The following XIRP2 variants were observed in gnomAD, a reference collection of about 807,000 sequenced individuals.
XIRP2 encodes xin actin-binding repeat-containing protein 2.
XIRP2 carries 236 observed loss-of-function variants against 277.0 expected under a neutral mutation model. The observed-to-expected ratio is 0.85, with a 90% CI of 0.77 to 0.95. The LOEUF (loss-of-function observed/expected upper bound fraction) is 0.95. Ranked by LOEUF, XIRP2 falls within the 40% of genes least tolerant of loss-of-function variation. The pLI is 0.00. For synonymous variants in XIRP2, 1,490 were observed against 1,416.5 expected, an observed-to-expected ratio of 1.05 and a Z score of -1.17; for missense variants, 4,640 against 4,157.5, an observed-to-expected ratio of 1.12 and a Z score of -3.19.
At chr2:167,171,869 A>G (rs1328336614) in intron 3 of XIRP2, among the ~76,000 whole-genome samples, 2 of 152,222 alleles carry the variant, frequency 1.3e-5, no homozygotes, top group African/African-American at 2.4e-5. Context: ...ATATAGCCAC[A>G]TTAGTTTTCC....
At chr2:167,038,381 T>C (rs145069054) in intron 2 of XIRP2, among the ~76,000 whole-genome samples, 2,275 of 151,966 alleles carry the variant, frequency 0.015, 29 homozygotes, top group Non-Finnish European at 0.021. Context: ...ACAAAATTTT[T>C]AGTATATGCT....
At chr2:167,007,626 TAAAC>T (rs923279743) in intron 2 of XIRP2, among the ~76,000 whole-genome samples, 6 of 150,832 alleles carry the variant, frequency 4.0e-5, no homozygotes, top group African/African-American at 9.7e-5. Context: ...GTACATGTCT[TAAAC>T]AAAATCTATT....
chr2:167,105,413 A>G (rs774364938), intron 2 of XIRP2, among the ~76,000 whole-genome samples: 3 of 151,974 alleles, frequency 2.0e-5, no homozygotes, highest in Non-Finnish European at 2.9e-5. Flanking sequence ...TTATAAGTAT[A>G]TAACATTTTA....
intron 2 of XIRP2, among the ~76,000 whole-genome samples, chr2:167,000,085 T>C (rs1337330958): frequency 3.3e-5 from 5 of 152,170 alleles, no homozygotes; most frequent in Non-Finnish European, 7.4e-5. Flanking sequence ...GTAAAACAAA[T>C]TGCCCACTGG....
At chr2:167,220,815 T>A (rs1361217575) in intron 5 of XIRP2, among the ~76,000 whole-genome samples, 1 of 152,182 alleles carries the variant, frequency 6.6e-6, no homozygotes, top group Non-Finnish European at 1.5e-5. Context: ...GAATATATGC[T>A]GGGTAAAAAC....
At position 167,251,065 on chromosome 2, in the gene XIRP2, A is replaced by C. The variant is rs1164536820; in HGVS notation, c.9673A>C (p.Ile3225Leu). 6.2e-7 allele frequency: 1 copy of C among 1,613,664 alleles called. No homozygotes were observed. Among genetic ancestry groups the C allele is most frequent in the South Asian group, 1.1e-5 (1 of 91,080 alleles). The change falls in exon 9 of 11, where the codon ATT becomes CTT. Residue 3225 changes from isoleucine to leucine, a missense_variant. Transcript: ENST00000409195. ...GTCTCCTGCAACACTTCGTCGTCAA[A>C]TTAAGATAGAAACTCGTGGTAGGGA... ...IMSPATLRRQ[I>L]KIETRGRDSP...
At chr2:166,939,829 T>C (rs1685648662) in intron 2 of XIRP2, among the ~76,000 whole-genome samples, 1 of 152,318 alleles carries the variant, frequency 6.6e-6, no homozygotes, top group East Asian at 1.9e-4. Context: ...GTTAGTCTGA[T>C]AGGCTTCCCT....
intron 3 of XIRP2, among the ~76,000 whole-genome samples, chr2:167,205,781 C>T (rs775429602): frequency 1.2e-4 from 18 of 152,036 alleles, no homozygotes; most frequent in Non-Finnish European, 1.0e-4. Context: ...TTTCATCCTT[C>T]GATGTGAAGT....
chr2:167,246,517 A>G lies in XIRP2; in HGVS notation c.5125A>G (p.Ile1709Val). The change falls in exon 9 of 11, where the codon ATA becomes GTA. Residue 1709 changes from isoleucine to valine, a missense_variant. Physicochemically the swap from Ile to Val is conservative, Grantham distance 29. Coordinates refer to ENST00000409195, the MANE Select transcript of XIRP2 (RefSeq NM_152381.6). ...TGACACAATTGAGCGTGAAGAAGTA[A>G]TAGGTGGTGATGTCAAACGTACCAT... The part of the protein sequence containing the change: ...DGDTIEREEV[I>V]GGDVKRTIHN... 6.2e-7 allele frequency: 1 copy of G among 1,613,696 alleles called. No homozygotes were observed. Among genetic ancestry groups the G allele is most frequent in the Non-Finnish European group, 8.5e-7 (1 of 1,179,784 alleles).
intron 2 of XIRP2, among the ~76,000 whole-genome samples, chr2:167,023,469 A>G (rs1346848394): frequency 6.6e-6 from 1 of 151,698 alleles, no homozygotes; most frequent in Admixed American, 6.6e-5. Flanking sequence ...ATTAGATCCC[A>G]TTTGTCAATT....
intron 2 of XIRP2, among the ~76,000 whole-genome samples, chr2:167,073,041 A>G (rs1278166879): frequency 2.6e-5 from 4 of 152,172 alleles, no homozygotes; most frequent in Non-Finnish European, 5.9e-5. Context: ...AGCTAAAACA[A>G]TTATTATATG....
At chr2:166,914,213 G>A (rs1393571210) in intron 2 of XIRP2, among the ~76,000 whole-genome samples, 1 of 152,184 alleles carries the variant, frequency 6.6e-6, no homozygotes, top group African/African-American at 2.4e-5. Flanking sequence ...GCAGCCCTTA[G>A]GAACTGGAAA....
intron 3 of XIRP2, among the ~76,000 whole-genome samples, chr2:167,207,448 T>A (rs1693889682): frequency 6.6e-6 from 1 of 152,200 alleles, no homozygotes; most frequent in Non-Finnish European, 1.5e-5. Context: ...CGCTATTCAA[T>A]CCTTTCTGTT....
At chr2:167,022,532 C>T (rs1179508852) in intron 2 of XIRP2, among the ~76,000 whole-genome samples, 1 of 152,024 alleles carries the variant, frequency 6.6e-6, no homozygotes, top group Non-Finnish European at 1.5e-5. Flanking sequence ...ATGTGCCATG[C>T]TGCTGTGCTG....
chr2:166,982,316 GTTT>G (rs756521659), intron 2 of XIRP2, among the ~76,000 whole-genome samples: 1 of 122,924 alleles, frequency 8.1e-6, no homozygotes, highest in East Asian at 2.3e-4. Context: ...TTTAGGTACA[GTTT>G]TTTTTTTTAA....
chr2:167,124,512 C>A (rs1381066431), intron 2 of XIRP2: 17 of 152,190 alleles, frequency 1.1e-4, no homozygotes. Flanking sequence ...ATTTGACAAA[C>A]ATTTAGTAAG....
intron 10 of XIRP2, among the ~76,000 whole-genome samples, chr2:167,255,290 C>T (rs1431475212): frequency 1.3e-5 from 2 of 151,830 alleles, no homozygotes; most frequent in African/African-American, 4.8e-5. Context: ...TGATATACTT[C>T]TCCAATTAGA....
chr2:167,025,716 A>C (rs1248059410), intron 2 of XIRP2, among the ~76,000 whole-genome samples: 1 of 152,124 alleles, frequency 6.6e-6, no homozygotes, highest in African/African-American at 2.4e-5. Context: ...TTATGTACCC[A>C]GTAGTCATTC....
chr2:167,116,818 G>A (rs539835647), intron 2 of XIRP2, among the ~76,000 whole-genome samples: 3 of 152,298 alleles, frequency 2.0e-5, no homozygotes, highest in East Asian at 3.9e-4. Context: ...ATTTCTGTCA[G>A]CAGAAGAGTT....
Sources: gnomAD v4.1 joint callset for allele counts (sites outside exome capture counted in the v4.1 genomes callset) on GRCh38, gnomAD v4.1.1 for gene constraint, MANE v1.5 for transcripts, NCBI Gene and HGNC (gene_info 2026-07-23, HGNC 2026-07-21) for gene names.